The following KCNQ5 variants were observed in gnomAD, a reference collection of about 807,000 sequenced individuals.
KCNQ5 encodes potassium voltage-gated channel subfamily KQT member 5.
KCNQ5 carries 30 observed loss-of-function variants against 98.2 expected under a neutral mutation model. That is an observed-to-expected ratio of 0.31 (90% CI 0.23 to 0.41). The LOEUF is 0.41. Among genes scored for constraint, KCNQ5 ranks in the 10% least tolerant of loss-of-function variants. KCNQ5 has a pLI of 1.00. For missense variants in KCNQ5, 835 were observed against 1,182.5 expected (o/e 0.71, Z 4.31); for synonymous variants, 458 against 449.4 (o/e 1.02, Z -0.24).
At chr6:72,907,275 A>G (rs1364945456) in intron 1 of KCNQ5, among the ~76,000 whole-genome samples, 1 of 152,200 alleles carries the variant, frequency 6.6e-6, no homozygotes, top group Non-Finnish European at 1.5e-5. Context: ...AAGTTTACCT[A>G]TATAACAAAT....
chr6:72,949,895 A>G (rs1333823423), intron 1 of KCNQ5, among the ~76,000 whole-genome samples: 1 of 152,202 alleles, frequency 6.6e-6, no homozygotes, highest in Admixed American at 6.5e-5. Context: ...ATATTTAACC[A>G]TGTAAGAAGA....
rs373476140 is a variant in KCNQ5 at position 73,052,840 on chromosome 6, A to G, written c.616+10778A>G. ...AAAGCAACCACACAAACAGATCTGC[A>G]TAATAACCAATTAACAACACAAAAC... is the stretch of plus-strand genomic sequence containing the variant. On this transcript the variant is annotated intron_variant, in intron 3 of 13. Transcript: ENST00000370398. 1.1e-4 allele frequency among the ~76,000 whole-genome samples: 16 copies of G among 152,334 alleles called. No individual in the cohort carries two copies. The South Asian group carries it at 2.7e-3, about 26-fold the overall frequency.
At chr6:72,865,236 C>G (rs1777929643) in intron 1 of KCNQ5, among the ~76,000 whole-genome samples, 1 of 152,212 alleles carries the variant, frequency 6.6e-6, no homozygotes, top group Non-Finnish European at 1.5e-5. Context: ...TTTCCACACT[C>G]TTGCATTATC....
intron 1 of KCNQ5, among the ~76,000 whole-genome samples, chr6:72,933,948 A>T (rs974786536): frequency 6.6e-6 from 1 of 152,194 alleles, no homozygotes; most frequent in African/African-American, 2.4e-5. Context: ...ATGTAATTAA[A>T]CAAGTAAACA....
intron 3 of KCNQ5, among the ~76,000 whole-genome samples, chr6:73,056,274 C>A (rs947696332): frequency 7.5e-4 from 114 of 152,130 alleles, no homozygotes; most frequent in Non-Finnish European, 1.6e-4. Context: ...TCTAGTCATC[C>A]CAGTGGAAGA....
chr6:72,969,625 T>C (rs559973815), intron 1 of KCNQ5, among the ~76,000 whole-genome samples: 1 of 152,194 alleles, frequency 6.6e-6, no homozygotes, highest in Non-Finnish European at 1.5e-5. Context: ...TAGATACGAC[T>C]GGACAGATTG....
In KCNQ5 at chr6:73,120,497, T is replaced by C. The variant is rs751731456; in HGVS notation, c.1140T>C (p.Ser380=). Residue 380 remains serine (S), a synonymous_variant, in exon 8 of 14, where the codon AGT becomes AGC. Coordinates refer to ENST00000370398, the MANE Select transcript of KCNQ5 (RefSeq NM_019842.4). ...AANLIQCVWR[S]YAADEKSVSI... ...GCCACATGCAGTGTGTTTGGCGTAGTTACGCAGCTGATGAGAAATCTGTTT... is the reference window on the plus strand; with the variant it reads ...GCCACATGCAGTGTGTTTGGCGTAGCTACGCAGCTGATGAGAAATCTGTTT... 5.0e-6 allele frequency: 8 copies of C among 1,612,558 alleles called. No individual in the cohort carries two copies. The highest frequency in any genetic ancestry group is 1.3e-5 in the African/African-American group (1 of 74,898).
chr6:73,067,216 G>GA (rs1206472428), intron 3 of KCNQ5, among the ~76,000 whole-genome samples: 2 of 152,050 alleles, frequency 1.3e-5, no homozygotes, highest in East Asian at 3.9e-4. Flanking sequence ...AGAAACACGG[G>GA]AAAAAAATAT....
intron 2 of KCNQ5, among the ~76,000 whole-genome samples, chr6:73,016,488 G>A (rs1385956369): frequency 1.3e-5 from 2 of 152,098 alleles, no homozygotes; most frequent in Non-Finnish European, 2.9e-5. Context: ...TAAATGAAAG[G>A]AGATGGCCCA....
intron 11 of KCNQ5, among the ~76,000 whole-genome samples, chr6:73,186,356 C>G (rs1196520631): frequency 6.6e-6 from 1 of 152,170 alleles, no homozygotes; most frequent in Admixed American, 6.5e-5. Flanking sequence ...TGTTTTCAAC[C>G]CACAACACAG....
At chr6:72,862,254 G>A (rs1405159360) in intron 1 of KCNQ5, among the ~76,000 whole-genome samples, 1 of 152,230 alleles carries the variant, frequency 6.6e-6, no homozygotes, top group Non-Finnish European at 1.5e-5. Context: ...TTCTTGGAAA[G>A]TGAGAGGGGA....
rs190354989 is a variant in KCNQ5, at chr6:73,166,000, G to C, written c.1469-3746G>C. Among the ~76,000 whole-genome samples, 4 of 152,144 alleles carry C rather than the reference G, an allele frequency of 2.6e-5. 1 individual carries two copies. Among genetic ancestry groups the C allele is most frequent in the African/African-American group, 9.6e-5 (4 of 41,504 alleles). ...AAATCTGGAAGTGGTCAGAGGTGAG[G>C]CTCAGGGTCAGACAGCTCCAGAACC... On this transcript the variant is annotated intron_variant, in intron 10 of 13. Coordinates refer to ENST00000370398, the MANE Select transcript of KCNQ5 (RefSeq NM_019842.4).
chr6:72,917,158 C>G (rs535259754), intron 1 of KCNQ5, among the ~76,000 whole-genome samples: 7 of 152,318 alleles, frequency 4.6e-5, no homozygotes, highest in African/African-American at 1.7e-4. Flanking sequence ...AGGGAGCAGA[C>G]AGTCCTCAAA....
At chr6:73,155,997 A>C (rs974835391) in intron 10 of KCNQ5, among the ~76,000 whole-genome samples, 2 of 152,206 alleles carry the variant, frequency 1.3e-5, no homozygotes, top group African/African-American at 2.4e-5. Flanking sequence ...CCAAGGACTT[A>C]GTGAAATGAA....
In KCNQ5 at chr6:73,190,615, A is replaced by G. The variant is rs12662818; in HGVS notation, c.1620A>G (p.Thr540=). 0.037 allele frequency: 58,351 copies of G among 1,570,444 alleles called. 1,214 individuals carry two copies. The highest frequency in any genetic ancestry group is 0.058 in the East Asian group (2,545 of 44,188). Reference sequence around the variant, plus strand: ...TTGCAAAACGGAAGTTTAAGGAAACATTACGTCCATATGATGTAAAAGATG... The same window carrying G: ...TTGCAAAACGGAAGTTTAAGGAAACGTTACGTCCATATGATGTAAAAGATG... ...FHVAKRKFKE[T]LRPYDVKDVI... The change falls in exon 12 of 14, where the codon ACA becomes ACG. Residue 540 remains threonine (T), a synonymous_variant. Coordinates refer to ENST00000370398, the MANE Select transcript of KCNQ5 (RefSeq NM_019842.4).
chr6:73,147,887 T>C (rs867274083), intron 10 of KCNQ5, among the ~76,000 whole-genome samples: 1 of 152,134 alleles, frequency 6.6e-6, no homozygotes, highest in South Asian at 2.1e-4. Context: ...GTTTGAGGCA[T>C]TCAAATAAGT....
intron 1 of KCNQ5, among the ~76,000 whole-genome samples, chr6:72,786,218 A>G (rs9360599): frequency 0.75 from 114,154 of 152,112 alleles, 43,885 homozygotes; most frequent in African/African-American, 0.93. Flanking sequence ...CATTTCAAGT[A>G]GTCAGTAGCC....
chr6:72,765,640 G>A (rs1772529716), intron 1 of KCNQ5, among the ~76,000 whole-genome samples: 1 of 151,970 alleles, frequency 6.6e-6, no homozygotes, highest in African/African-American at 2.4e-5. Context: ...GCAGACGTGT[G>A]GATTCATGTA....
chr6:73,138,183 T>C (rs1776549931), intron 10 of KCNQ5, among the ~76,000 whole-genome samples: 1 of 152,096 alleles, frequency 6.6e-6, no homozygotes, highest in Non-Finnish European at 1.5e-5. Context: ...AATGGTAGGG[T>C]CATCTGAGGC....
Sources: gnomAD v4.1 joint callset for allele counts (sites outside exome capture counted in the v4.1 genomes callset) on GRCh38, gnomAD v4.1.1 for gene constraint, MANE v1.5 for transcripts, NCBI Gene and HGNC (gene_info 2026-07-23, HGNC 2026-07-21) for gene names.